The following HECTD4 variants were observed in gnomAD, a reference collection of about 807,000 sequenced individuals.
HECTD4 encodes probable E3 ubiquitin-protein ligase HECTD4.
Under a neutral mutation model 471.5 loss-of-function variants are expected in HECTD4, and 114 were observed. The observed-to-expected ratio is 0.24, with a 90% CI of 0.21 to 0.28. The LOEUF (loss-of-function observed/expected upper bound fraction) is 0.28, where lower values mean the gene tolerates loss of function less well. Ranked by LOEUF, HECTD4 falls within the 10% of genes least tolerant of loss-of-function variation. The pLI is 1.00. For missense variants in HECTD4, 3,866 were observed against 5,651.5 expected (o/e 0.68, Z 10.13); for synonymous variants, 2,012 against 2,256.0 (o/e 0.89, Z 3.07).
In HECTD4 at chr12:112,162,309, G is replaced by C. The variant is rs1323969472; in HGVS notation, c.*78C>G. ...CAACTCCTCACGCAGGGCCCTGGAG[G>C]GACGGGCCGCAGTGGTGGCTTCCCA... On this transcript the variant is annotated 3_prime_UTR_variant, in exon 76 of 76. Transcript: ENST00000682272. The surrounding 1 kb of genome is among the most constrained non-coding windows in gnomAD (Gnocchi z 5.2). 6.4e-7 allele frequency: 1 copy of C among 1,563,068 alleles called. No individual in the cohort carries two copies.
At chr12:112,237,691 T>C (rs2033545561) in intron 34 of HECTD4, among the ~76,000 whole-genome samples, 1 of 152,074 alleles carries the variant, frequency 6.6e-6, no homozygotes, top group Non-Finnish European at 1.5e-5. Context: ...GCACATCCTA[T>C]CTACCTCAGT....
rs1566067960 is a variant in HECTD4, at chr12:112,194,771, G to A, written c.8749+114C>T. The stretch of plus-strand genomic sequence containing the variant: ...AGTTCCTGCGTGCAATTTCTCACGT[G>A]AGCCTATGCGCACCATGAGGCATTT... On this transcript the variant is annotated intron_variant, in intron 56 of 75. Coordinates refer to ENST00000682272, the MANE Select transcript of HECTD4 (RefSeq NM_001388303.1). This position sits in a 1 kb window ranked among gnomAD's most constrained non-coding sequence, Gnocchi z 4.6. The A allele has an allele frequency of 3.1e-6, 3 of 955,944 alleles. No homozygotes were observed. The highest frequency in any genetic ancestry group is 3.3e-5 in the African/African-American group (2 of 60,792). 59.2% of individuals were successfully genotyped at this position (955,944 alleles called of 1,614,324 possible). A position where few individuals can be genotyped will look rare whatever the true frequency, so the allele number is the denominator to read the frequency against.
chr12:112,237,352 T>G (rs201052296), intron 34 of HECTD4, among the ~76,000 whole-genome samples: 5 of 152,204 alleles, frequency 3.3e-5, no homozygotes, highest in Non-Finnish European at 7.3e-5. Context: ...AAGAACATAC[T>G]TTGATTGATA....
intron 44 of HECTD4, among the ~76,000 whole-genome samples, chr12:112,223,618 C>G (rs896597100): frequency 2.0e-5 from 3 of 152,128 alleles, no homozygotes; most frequent in Non-Finnish European, 4.4e-5. Context: ...CAGGGCTTCA[C>G]CATATTGGCC....
chr12:112,213,275 T>C lies in HECTD4; in HGVS notation c.7466-625A>G, dbSNP rs1052099237. On this transcript the variant is annotated intron_variant, in intron 48 of 75. Transcript: ENST00000682272. This position sits in a 1 kb window ranked among gnomAD's most constrained non-coding sequence, Gnocchi z 4.0. ...AAAAAATGAAAAACACTAGGTACTATTTTTAAAATAGAAAAATGAAGTTTT... is the reference window on the plus strand; with the variant it reads ...AAAAAATGAAAAACACTAGGTACTACTTTTAAAATAGAAAAATGAAGTTTT... 1.3e-5 allele frequency among the ~76,000 whole-genome samples: 2 copies of C among 152,174 alleles called. No homozygotes were observed. Among genetic ancestry groups the C allele is most frequent in the African/African-American group, 4.8e-5 (2 of 41,442 alleles).
At position 112,184,713 on chromosome 12, in the gene HECTD4, C is replaced by A; in HGVS notation, c.10253G>T (p.Arg3418Leu). The change falls in exon 61 of 76, where the codon CGC becomes CTC. Residue 3418 changes from arginine (R) to leucine (L), a missense_variant. Physicochemically the swap from Arg to Leu is moderately radical, Grantham distance 102. This residue lies in a region of HECTD4 where 71 missense variants were observed against 144.5 expected (regional missense o/e 0.49). Coordinates refer to ENST00000682272, the MANE Select transcript of HECTD4 (RefSeq NM_001388303.1). This position sits in a 1 kb window ranked among gnomAD's most constrained non-coding sequence, Gnocchi z 9.1. The part of the protein sequence containing the change: ...LDEGVVRGAI[R>L]KACNAHGGVF... ...CCCGCCGTGGGCGTTGCAGGCCTTG[C>A]GGATGGCGCCTCTGACTACGCCCTC... is the stretch of plus-strand genomic sequence containing the variant. 1.2e-6 allele frequency: 2 copies of A among 1,612,992 alleles called. No homozygotes were observed. Among genetic ancestry groups the A allele is most frequent in the Non-Finnish European group, 8.5e-7 (1 of 1,179,300 alleles).
At chr12:112,216,555 T>C (rs942653329) in intron 47 of HECTD4, among the ~76,000 whole-genome samples, 184 bp from the exon 48 acceptor site, 10 of 152,200 alleles carry the variant, frequency 6.6e-5, no homozygotes, top group Admixed American at 2.0e-4. Context: ...AATAAAGGGT[T>C]ATAGAATTTG....
intron 7 of HECTD4, among the ~76,000 whole-genome samples, chr12:112,292,777 C>T (rs2034914989): frequency 1.3e-5 from 2 of 152,066 alleles, no homozygotes. Context: ...AATCCCAGCA[C>T]TTTGGGAGAC....
chr12:112,351,790 A>T (rs2036251997), intron 1 of HECTD4, among the ~76,000 whole-genome samples: 1 of 152,238 alleles, frequency 6.6e-6, no homozygotes. Flanking sequence ...ATAAGTACCT[A>T]CGTAGTAACA....
intron 17 of HECTD4, among the ~76,000 whole-genome samples, 174 bp downstream of exon 17, chr12:112,263,910 G>A (rs767625012): frequency 1.6e-4 from 24 of 152,116 alleles, no homozygotes; most frequent in Non-Finnish European, 2.9e-4. Context: ...TCACAAGTAG[G>A]TGACTACTGT....
chr12:112,168,360 C>T (rs1182995503), intron 70 of HECTD4, among the ~76,000 whole-genome samples: 3 of 152,136 alleles, frequency 2.0e-5, no homozygotes, highest in African/African-American at 4.8e-5. Flanking sequence ...CCCCAGTGCC[C>T]GGGCTCGCGT....
At chr12:112,200,547 T>C (rs1292299169) in intron 55 of HECTD4, 91 bp downstream of exon 55, 11 of 1,362,724 alleles carry the variant, frequency 8.1e-6, no homozygotes, top group Non-Finnish European at 1.1e-5. Flanking sequence ...AGGAAAAACT[T>C]TCTTGCTGAG....
At chr12:112,314,573 A>G in intron 2 of HECTD4, 27 bp from the exon 3 acceptor site, 1 of 1,242,022 alleles carries the variant, frequency 8.1e-7, no homozygotes, top group South Asian at 1.3e-5. Flanking sequence ...GGAACAGTAA[A>G]TCATCAAAAT....
rs556260483 is a variant in HECTD4, at chr12:112,194,701, C to T, written c.8749+184G>A. 6.6e-6 allele frequency among the ~76,000 whole-genome samples: 1 copy of T among 152,290 alleles called. No homozygotes were observed. Among genetic ancestry groups the T allele is most frequent in the South Asian group, 2.1e-4 (1 of 4,834 alleles). The stretch of plus-strand genomic sequence containing the variant: ...AGAGTAATGACTCAAGTGAGTAATC[C>T]ATTACATTTTTCGAAGAGTGAGAAA... On this transcript the variant is annotated intron_variant, in intron 56 of 75. Transcript: ENST00000682272. This position sits in a 1 kb window ranked among gnomAD's most constrained non-coding sequence, Gnocchi z 4.6.
rs548867831 is a variant in HECTD4 at position 112,289,802 on chromosome 12, G to A, written c.1336-6500C>T. 3.4e-4 allele frequency among the ~76,000 whole-genome samples: 51 copies of A among 151,838 alleles called. 1 individual carries two copies. The highest frequency in any genetic ancestry group is 3.4e-3 in the Middle Eastern group (1 of 294). On this transcript the variant is annotated intron_variant, in intron 7 of 75. Transcript: ENST00000682272. ...AGCAATTCTCCTCCCTCAACCTCCC[G>A]AGTATCTGGGATTACAGGTGTGTAC...
chr12:112,266,245 G>C (rs2034269876), intron 14 of HECTD4, among the ~76,000 whole-genome samples: 1 of 152,162 alleles, frequency 6.6e-6, no homozygotes, highest in South Asian at 2.1e-4. Context: ...AATGCCAACT[G>C]TCTTTAACAT....
intron 7 of HECTD4, among the ~76,000 whole-genome samples, chr12:112,291,991 T>G (rs769734833): frequency 1.5e-4 from 23 of 152,350 alleles, no homozygotes; most frequent in Non-Finnish European, 1.5e-4. Context: ...TCTTCTGGCT[T>G]TATTCTTTAC....
At chr12:112,328,570 T>A (rs568951100) in intron 1 of HECTD4, among the ~76,000 whole-genome samples, 1 of 152,194 alleles carries the variant, frequency 6.6e-6, no homozygotes, top group Non-Finnish European at 1.5e-5. Context: ...CCAAATTGAA[T>A]TGCATGTTGC....
intron 1 of HECTD4, among the ~76,000 whole-genome samples, chr12:112,349,574 T>C (rs2036216948): frequency 6.6e-6 from 1 of 152,094 alleles, no homozygotes; most frequent in Non-Finnish European, 1.5e-5. Flanking sequence ...AGAAGTCAGA[T>C]GAAAACATCT....
Sources: allele counts gnomAD v4.1 joint callset (sites outside exome capture counted in the v4.1 genomes callset), GRCh38; gene constraint gnomAD v4.1.1; regional missense constraint gnomAD v4.1.1; non-coding constraint Gnocchi (gnomAD v3.1); transcripts MANE v1.5; gene names NCBI Gene and HGNC (gene_info 2026-07-23, HGNC 2026-07-21).